Variants in RBAK observed in about 807,000 individuals in gnomAD.
RBAK encodes RB-associated KRAB zinc finger protein.
A neutral mutation model predicts 65.8 loss-of-function variants in RBAK; 39 were observed. The observed-to-expected ratio is 0.59, with a 90% CI of 0.46 to 0.77. The LOEUF is 0.77. Ranked by LOEUF, RBAK falls within the 30% of genes least tolerant of loss-of-function variation. The pLI, the probability that RBAK is intolerant of heterozygous loss-of-function variation, is 0.00. For synonymous variants in RBAK, 343 were observed against 289.7 expected (o/e 1.18, Z -1.87); for missense variants, 884 against 855.1 (o/e 1.03, Z -0.42).
intron 1 of RBAK, among the ~76,000 whole-genome samples, chr7:5,047,138 C>T (rs1788006085): frequency 6.6e-6 from 1 of 152,176 alleles, no homozygotes; most frequent in Non-Finnish European, 1.5e-5. Flanking sequence ...GTGGCTCACA[C>T]CTGTAATCCC....
Position 5,067,015 on chromosome 7 carries a change from A to G in RBAK, c.*1414A>G, listed in dbSNP as rs543849581. 2.0e-5 allele frequency: 3 copies of G among 152,312 alleles called. No homozygotes were observed. The highest frequency in any genetic ancestry group is 7.2e-5 in the African/African-American group (3 of 41,590). 9.4% of individuals were successfully genotyped at this position (152,312 alleles called of 1,614,324 possible). A position where few individuals can be genotyped will look rare whatever the true frequency, so the allele number is the denominator to read the frequency against. ...CTTGTGGTACAATTAATGTTCGTTT[A>G]TGATCTTAGCAAATGATGGATTGAA... On this transcript the variant is annotated 3_prime_UTR_variant, in exon 5 of 5. Coordinates refer to ENST00000396912, the MANE Select transcript of RBAK (RefSeq NM_021163.4).
chr7:5,065,591 A>G lies in RBAK; in HGVS notation c.2135A>G (p.Glu712Gly). The change falls in exon 5 of 5, where the codon GAA becomes GGA. Residue 712 changes from glutamate (E) to glycine (G), a missense_variant. Transcript: ENST00000396912. This position sits in a 1 kb window ranked among gnomAD's most constrained non-coding sequence, Gnocchi z 5.3. ...RRGNMNVLDV[E>G]NL ...GGAAATATGAACGTACTTGATGTGG[A>G]AAATCTCTGAAGTCAGATCTCAATT... The G allele has an allele frequency of 6.6e-7, 1 of 1,512,514 alleles. No homozygotes were observed. The highest frequency in any genetic ancestry group is 8.8e-7 in the Non-Finnish European group (1 of 1,132,200). The allele number at this position is 1,512,514 out of a possible 1,614,324, so 93.7% of individuals were successfully genotyped here. A position where few individuals can be genotyped will look rare whatever the true frequency, so the allele number is the denominator to read the frequency against.
intron 1 of RBAK, among the ~76,000 whole-genome samples, chr7:5,047,593 T>C (rs1788018350): frequency 1.3e-5 from 2 of 150,108 alleles, no homozygotes; most frequent in East Asian, 1.9e-4. Flanking sequence ...ATCACTCTTT[T>C]TCACTCTCTT....
Position 5,064,667 on chromosome 7 carries a change from A to G in RBAK, c.1211A>G (p.Asn404Ser). 1 of 1,612,040 alleles carries G rather than the reference A, an allele frequency of 6.2e-7. No homozygotes were observed. The highest frequency in any genetic ancestry group is 8.5e-7 in the Non-Finnish European group (1 of 1,178,424). Residue 404 changes from asparagine to serine, a missense_variant, in exon 5 of 5, where the codon AAT (asparagine) becomes AGT (serine). Asn to Ser is a conservative substitution (Grantham distance 46). Transcript: ENST00000396912. The surrounding 1 kb of genome is among the most constrained non-coding windows in gnomAD (Gnocchi z 6.3). The part of the protein sequence containing the change: ...THTGEKLYKC[N>S]ECGKSYYRKS... ...ACGGGAGAGAAGCTTTATAAATGTAATGAATGTGGGAAATCCTACTACCGA... is the reference window on the plus strand; with the variant it reads ...ACGGGAGAGAAGCTTTATAAATGTAGTGAATGTGGGAAATCCTACTACCGA...
intron 2 of RBAK, among the ~76,000 whole-genome samples, chr7:5,053,860 C>G (rs555075487): frequency 6.6e-6 from 1 of 152,164 alleles, no homozygotes; most frequent in African/African-American, 2.4e-5. Context: ...ATGATGAACT[C>G]TCTCAGTGCT....
rs1378242391 is a variant in RBAK at position 5,064,061 on chromosome 7, A to C, written c.605A>C (p.Glu202Ala). Residue 202 changes from glutamate to alanine, a missense_variant, in exon 5 of 5, where the codon GAG becomes GCG. By Grantham distance (107) the Glu-to-Ala change is moderately radical. Coordinates refer to ENST00000396912, the MANE Select transcript of RBAK (RefSeq NM_021163.4). This position sits in a 1 kb window ranked among gnomAD's most constrained non-coding sequence, Gnocchi z 6.3. ...ATTCTTCAGAAAATTAGTATTTTGG[A>C]GAAACCCTTTGAATATAATGAATGC... The part of the protein sequence containing the change: ...ENILQKISIL[E>A]KPFEYNECME... 1 of 1,613,704 alleles carries C rather than the reference A, an allele frequency of 6.2e-7. No homozygotes were observed. Among genetic ancestry groups the C allele is most frequent in the South Asian group, 1.1e-5 (1 of 90,984 alleles).
At position 5,063,933 on chromosome 7, in the gene RBAK, G is replaced by T; in HGVS notation, c.477G>T (p.Arg159Ser). ...TTAGTAGTGATGGAAGCTATGCTAG[G>T]ACAAAACCTGATGAGTGTAATGAAT... The part of the protein sequence containing the change: ...QLISSDGSYA[R>S]TKPDECNECG... The change falls in exon 5 of 5, where the codon AGG becomes AGT. Residue 159 changes from arginine to serine, a missense_variant. By Grantham distance (110) the Arg-to-Ser change is moderately radical. Coordinates refer to ENST00000396912, the MANE Select transcript of RBAK (RefSeq NM_021163.4). The T allele has an allele frequency of 6.2e-7, 1 of 1,613,990 alleles. No homozygotes were observed. Among genetic ancestry groups the T allele is most frequent in the Non-Finnish European group, 8.5e-7 (1 of 1,179,956 alleles).
intron 2 of RBAK, among the ~76,000 whole-genome samples, chr7:5,053,358 C>T (rs1788156908): frequency 6.6e-6 from 1 of 152,154 alleles, no homozygotes; most frequent in African/African-American, 2.4e-5. Context: ...TCATATTCAT[C>T]TTTGTTCCCC....
intron 2 of RBAK, among the ~76,000 whole-genome samples, chr7:5,051,709 G>A (rs1013083068): frequency 6.6e-6 from 1 of 152,172 alleles, no homozygotes. Context: ...TATTATAGAA[G>A]TCTTTAAATT....
chr7:5,051,382 G>A (rs1160899515), intron 2 of RBAK, among the ~76,000 whole-genome samples: 3 of 151,960 alleles, frequency 2.0e-5, no homozygotes, highest in Non-Finnish European at 4.4e-5. Context: ...TTGAGAGTGG[G>A]TATGATTTGT....
chr7:5,057,608 G>A, intron 3 of RBAK, 76 bp from the exon 4 acceptor site: 1 of 1,601,506 alleles, frequency 6.2e-7, no homozygotes. Context: ...CAGCTTATGA[G>A]GTGGCAACAT....
intron 4 of RBAK, among the ~76,000 whole-genome samples, chr7:5,058,796 TC>T (rs1216756007): frequency 1.3e-5 from 2 of 152,222 alleles, no homozygotes; most frequent in South Asian, 4.1e-4. Context: ...TTCAGGACTG[TC>T]CCCCTAGGAC....
intron 4 of RBAK, 94 bp downstream of exon 4, chr7:5,057,873 A>G (rs1778966320): frequency 8.1e-7 from 1 of 1,238,430 alleles, no homozygotes. Context: ...TACCCTCAGT[A>G]ACACCTCCCA....
chr7:5,057,089 T>C, intron 2 of RBAK: 1 of 199,074 alleles, frequency 5.0e-6, no homozygotes, highest in Non-Finnish European at 9.0e-6. Context: ...ATATATATTA[T>C]ATATATTTAT....
chr7:5,059,511 A>T (rs1478594996), intron 4 of RBAK, among the ~76,000 whole-genome samples: 1 of 152,140 alleles, frequency 6.6e-6, no homozygotes, highest in Non-Finnish European at 1.5e-5. Context: ...TATTAAAAAA[A>T]AAACCACACA....
At chr7:5,062,088 C>T (rs949964262) in intron 4 of RBAK, among the ~76,000 whole-genome samples, 21 of 152,142 alleles carry the variant, frequency 1.4e-4, no homozygotes, top group African/African-American at 4.6e-4. Flanking sequence ...ATGCCACCAT[C>T]GTAGTCTTGA....
At chr7:5,056,104 C>CTTTTTTTT (rs887932671) in intron 2 of RBAK, among the ~76,000 whole-genome samples, 58 of 107,868 alleles carry the variant, frequency 5.4e-4, no homozygotes, top group African/African-American at 6.4e-4. Flanking sequence ...TTGCATTTTT[C>CTTTTTTTT]TTTTTTTTTT....
intron 2 of RBAK, among the ~76,000 whole-genome samples, chr7:5,051,111 G>C (rs1788106253): frequency 3.3e-5 from 5 of 152,064 alleles, no homozygotes. Flanking sequence ...GTTGGTTTCT[G>C]AGTCCTTTTG....
Position 5,064,873 on chromosome 7 carries a change from A to G in RBAK, c.1417A>G (p.Ile473Val), listed in dbSNP as rs1374920287. 1.2e-5 allele frequency: 20 copies of G among 1,613,910 alleles called. No homozygotes were observed. The highest frequency in any genetic ancestry group is 1.7e-5 in the Non-Finnish European group (20 of 1,179,900). The change falls in exon 5 of 5, where the codon ATT (isoleucine) becomes GTT (valine). Residue 473 changes from isoleucine to valine, a missense_variant. Coordinates refer to ENST00000396912, the MANE Select transcript of RBAK (RefSeq NM_021163.4). This position sits in a 1 kb window ranked among gnomAD's most constrained non-coding sequence, Gnocchi z 6.3. ...AACCTTCAATTTAAATTCAGCCTTC[A>G]TTAGACATCGGAAAGTACACACAGA... is the stretch of plus-strand genomic sequence containing the variant. ...GKTFNLNSAFIRHRKVHTEEK... is the reference protein window; with the variant it reads ...GKTFNLNSAFVRHRKVHTEEK...
Sources: allele counts gnomAD v4.1 joint callset (sites outside exome capture counted in the v4.1 genomes callset), GRCh38; gene constraint gnomAD v4.1.1; non-coding constraint Gnocchi (gnomAD v3.1); transcripts MANE v1.5; gene names NCBI Gene and HGNC (gene_info 2026-07-23, HGNC 2026-07-21).